CACNB2: variants seen among roughly 807,000 people sequenced by gnomAD.
CACNB2 encodes calcium voltage-gated channel auxiliary subunit beta 2.
A neutral mutation model predicts 73.3 loss-of-function variants in CACNB2; 42 were observed. The ratio of observed to expected loss-of-function variants is 0.57; its 90% confidence interval spans 0.45 to 0.74. CACNB2 has a LOEUF of 0.74. Among genes scored for constraint, CACNB2 ranks in the 30% least tolerant of loss-of-function variants. The probability of loss-of-function intolerance (pLI) is 0.00; values close to 1 mark genes in which losing one functional copy is unlikely to be tolerated. For missense variants in CACNB2, 940 were observed against 853.0 expected, an observed-to-expected ratio of 1.10 and a Z score of -1.27; for synonymous variants, 348 against 310.3, an observed-to-expected ratio of 1.12 and a Z score of -1.28.
At chr10:18,247,692 G>A (rs2036922518) in intron 2 of CACNB2, among the ~76,000 whole-genome samples, 1 of 152,260 alleles carries the variant, frequency 6.6e-6, no homozygotes, top group African/African-American at 2.4e-5. Context: ...ATTTCTCACA[G>A]TTCTGAAGCT....
intron 2 of CACNB2, among the ~76,000 whole-genome samples, chr10:18,376,784 G>C (rs1242878853): frequency 6.6e-6 from 1 of 152,128 alleles, no homozygotes; most frequent in African/African-American, 2.4e-5. Context: ...TTATCTCAGG[G>C]CTAGCATGTC....
intron 2 of CACNB2, among the ~76,000 whole-genome samples, chr10:18,201,790 C>T (rs954826116): frequency 2.0e-5 from 3 of 152,162 alleles, no homozygotes; most frequent in African/African-American, 7.2e-5. Flanking sequence ...CTGCAGTCTT[C>T]TGGAACACCA....
At chr10:18,357,392 C>T (rs1277884736) in intron 2 of CACNB2, among the ~76,000 whole-genome samples, 1 of 152,088 alleles carries the variant, frequency 6.6e-6, no homozygotes, top group Non-Finnish European at 1.5e-5. Flanking sequence ...AATTTATTCT[C>T]TGGTAATGTG....
intron 2 of CACNB2, among the ~76,000 whole-genome samples, chr10:18,334,210 C>G (rs1233698293): frequency 1.3e-5 from 2 of 152,130 alleles, no homozygotes; most frequent in Non-Finnish European, 2.9e-5. Context: ...AAGTTGGAAA[C>G]AAGCTAAGGA....
chr10:18,485,860 G>A (rs1242256445), intron 3 of CACNB2, among the ~76,000 whole-genome samples: 7 of 151,070 alleles, frequency 4.6e-5, no homozygotes, highest in Admixed American at 4.6e-4. Flanking sequence ...TGGGATTACT[G>A]ATGTGAGCCA....
chr10:18,492,620 C>CAAAAAAAAAAAAAAAAAAAA (rs371407084), intron 3 of CACNB2, among the ~76,000 whole-genome samples: 2 of 90,452 alleles, frequency 2.2e-5, no homozygotes, highest in Non-Finnish European at 4.1e-5. Flanking sequence ...GACTCTGTCT[C>CAAAAAAAAAAAAAAAAAAAA]AAAAAAAAAA....
At chr10:18,306,914 A>C (rs2039750749) in intron 2 of CACNB2, among the ~76,000 whole-genome samples, 1 of 152,108 alleles carries the variant, frequency 6.6e-6, no homozygotes. Flanking sequence ...GATCTGAGAA[A>C]AGTGTCTAGA....
chr10:18,490,847 T>TGGGGGGGG (rs1332023454), intron 3 of CACNB2, among the ~76,000 whole-genome samples: 1 of 11,852 alleles, frequency 8.4e-5, no homozygotes, highest in Non-Finnish European at 2.3e-4. Flanking sequence ...CCCGGGCCGG[T>TGGGGGGGG]GGGGGAGGGG....
chr10:18,418,654 G>T (rs1344102475), intron 3 of CACNB2, among the ~76,000 whole-genome samples: 1 of 152,130 alleles, frequency 6.6e-6, no homozygotes, highest in Non-Finnish European at 1.5e-5. Context: ...TAAGACAAAC[G>T]CCAATATGTA....
At chr10:18,230,457 A>G (rs1344273444) in intron 2 of CACNB2, among the ~76,000 whole-genome samples, 1 of 152,164 alleles carries the variant, frequency 6.6e-6, no homozygotes, top group African/African-American at 2.4e-5. Context: ...TATGATTGGA[A>G]CTAGTCCCAG....
intron 2 of CACNB2, chr10:18,257,004 A>G (rs919683070): frequency 3.3e-5 from 5 of 152,244 alleles, no homozygotes; most frequent in South Asian, 2.1e-4. Flanking sequence ...TATAATTGGA[A>G]TCAGAGCAAA....
At chr10:18,338,150 T>C (rs1340234260) in intron 2 of CACNB2, among the ~76,000 whole-genome samples, 5 of 152,010 alleles carry the variant, frequency 3.3e-5, no homozygotes, top group African/African-American at 4.8e-5. Flanking sequence ...TGGGAAAAAA[T>C]ATTTTCAAAT....
intron 2 of CACNB2, among the ~76,000 whole-genome samples, chr10:18,174,610 G>T (rs2033470342): frequency 6.6e-6 from 1 of 151,904 alleles, no homozygotes; most frequent in Non-Finnish European, 1.5e-5. Flanking sequence ...CACCATGTTG[G>T]CCCTGCTGGT....
intron 3 of CACNB2, among the ~76,000 whole-genome samples, chr10:18,486,772 G>C (rs1486697700): frequency 6.6e-6 from 1 of 152,160 alleles, no homozygotes; most frequent in South Asian, 2.1e-4. Context: ...GGGAAATTTG[G>C]GGAGCTTGAA....
At chr10:18,264,165 CT>C (rs910013387) in intron 2 of CACNB2, among the ~76,000 whole-genome samples, 79 of 152,028 alleles carry the variant, frequency 5.2e-4, no homozygotes, top group African/African-American at 1.9e-3. Context: ...TTTTGGTAAG[CT>C]TTTTGAAAAA....
At chr10:18,407,208 A>C (rs144263918) in intron 3 of CACNB2, among the ~76,000 whole-genome samples, 5 of 123,742 alleles carry the variant, frequency 4.0e-5, no homozygotes, top group African/African-American at 1.6e-4. Flanking sequence ...GTGCAACTCC[A>C]CCTCCCGGGT....
At chr10:18,202,536 T>C (rs1163303929) in intron 2 of CACNB2, among the ~76,000 whole-genome samples, 1 of 152,196 alleles carries the variant, frequency 6.6e-6, no homozygotes, top group African/African-American at 2.4e-5. Context: ...CTTCACATTC[T>C]CATCTGTAAA....
At chr10:18,285,289 G>C (rs1344517450) in intron 2 of CACNB2, among the ~76,000 whole-genome samples, 1 of 152,210 alleles carries the variant, frequency 6.6e-6, no homozygotes, top group African/African-American at 2.4e-5. Flanking sequence ...GGTTAGGTGA[G>C]AAGCTTTGCA....
chr10:18,481,653 A>G (rs1012716056), intron 3 of CACNB2, among the ~76,000 whole-genome samples: 9 of 151,968 alleles, frequency 5.9e-5, no homozygotes, highest in African/African-American at 1.5e-4. Flanking sequence ...AGCCAAGTCT[A>G]TTACAGCCCC....
Sources: allele counts gnomAD v4.1 joint callset (sites outside exome capture counted in the v4.1 genomes callset), GRCh38; gene constraint gnomAD v4.1.1; transcripts MANE v1.5; gene names NCBI Gene and HGNC (gene_info 2026-07-23, HGNC 2026-07-21).